The following TGDS variants were observed in gnomAD, a reference collection of about 807,000 sequenced individuals.
TGDS encodes the protein UDP-D-glucose 4,6-dehydratase.
A neutral mutation model predicts 52.3 loss-of-function variants in TGDS; 47 were observed. The ratio of observed to expected loss-of-function variants is 0.90; its 90% confidence interval spans 0.71 to 1.15. The LOEUF (loss-of-function observed/expected upper bound fraction) is 1.15, where lower values mean the gene tolerates loss of function less well. Ranked by LOEUF, TGDS falls within the 50% of genes most tolerant of loss-of-function variation. The pLI is 0.00. For missense variants in TGDS, 375 were observed against 418.4 expected, an observed-to-expected ratio of 0.90 and a Z score of 0.90; for synonymous variants, 115 against 136.9, an observed-to-expected ratio of 0.84 and a Z score of 1.12.
intron 5 of TGDS, among the ~76,000 whole-genome samples, chr13:94,581,436 G>A (rs1295042518): frequency 6.6e-6 from 1 of 152,202 alleles, no homozygotes; most frequent in Admixed American, 6.5e-5. Flanking sequence ...GGAATTGCAG[G>A]AAGGCTGATG....
chr13:94,581,144 A>C lies in TGDS; in HGVS notation c.502T>G (p.Ser168Ala), dbSNP rs769873986. The C allele has an allele frequency of 2.5e-6, 4 of 1,596,234 alleles. No homozygotes were observed. In the Admixed American group the frequency reaches 6.7e-5, roughly 27 times the overall value. Reference protein sequence around the residue: ...SPKQPTNPYASSKAAAECFVQ... With the variant: ...SPKQPTNPYAASKAAAECFVQ... ...AAACATTCAGCAGCTGCTTTAGATG[A>C]TGCATAAGGATTTGTAGGTTGTTTG... is the stretch of plus-strand genomic sequence containing the variant. The change falls in exon 6 of 12, where the codon TCA (serine) becomes GCA (alanine). Residue 168 changes from serine (S) to alanine (A), a missense_variant. Transcript: ENST00000261296.
chr13:94,595,346 A>C (rs1384200368), intron 1 of TGDS, among the ~76,000 whole-genome samples: 1 of 152,228 alleles, frequency 6.6e-6, no homozygotes, highest in Non-Finnish European at 1.5e-5. Context: ...TAAGTGTGGC[A>C]GGAACCACTG....
chr13:94,589,561 G>A (rs981221377), intron 4 of TGDS, among the ~76,000 whole-genome samples: 1 of 152,026 alleles, frequency 6.6e-6, no homozygotes, highest in Non-Finnish European at 1.5e-5. Context: ...TGATCCACCC[G>A]CCTCAGCCTC....
intron 7 of TGDS, among the ~76,000 whole-genome samples, chr13:94,579,076 AG>A (rs1888704245): frequency 6.6e-6 from 1 of 152,228 alleles, no homozygotes. Flanking sequence ...TCATAAGGGC[AG>A]ATATTTGTAT....
intron 11 of TGDS, among the ~76,000 whole-genome samples, chr13:94,575,761 G>C (rs1214714728): frequency 6.6e-6 from 1 of 151,924 alleles, no homozygotes; most frequent in African/African-American, 2.4e-5. Flanking sequence ...TCTGGGTAGA[G>C]CTTTTCTCAT....
At chr13:94,582,688 C>T (rs1199501213) in intron 5 of TGDS, among the ~76,000 whole-genome samples, 1 of 152,148 alleles carries the variant, frequency 6.6e-6, no homozygotes, top group African/African-American at 2.4e-5. Flanking sequence ...GAGTATGCAC[C>T]ATCTAATCAG....
At chr13:94,587,979 A>G (rs930203213) in intron 4 of TGDS, among the ~76,000 whole-genome samples, 5 of 140,172 alleles carry the variant, frequency 3.6e-5, no homozygotes, top group Non-Finnish European at 6.2e-5. Flanking sequence ...CCTGGGTGAC[A>G]GAGCAAGACA....
intron 4 of TGDS, among the ~76,000 whole-genome samples, chr13:94,587,294 A>C (rs1889025639): frequency 6.6e-6 from 1 of 152,244 alleles, no homozygotes; most frequent in Non-Finnish European, 1.5e-5. Flanking sequence ...CATTATATAG[A>C]AAACAAACAC....
intron 4 of TGDS, among the ~76,000 whole-genome samples, chr13:94,585,096 C>T (rs1888931812): frequency 6.6e-6 from 1 of 151,930 alleles, no homozygotes; most frequent in East Asian, 1.9e-4. Context: ...GTTGCCCAGG[C>T]TGGAGTGTAG....
At chr13:94,583,997 C>A (rs888131841) in intron 4 of TGDS, among the ~76,000 whole-genome samples, 1 of 152,160 alleles carries the variant, frequency 6.6e-6, no homozygotes, top group African/African-American at 2.4e-5. Flanking sequence ...CTCAGAGATA[C>A]CACTTCTTAC....
intron 4 of TGDS, among the ~76,000 whole-genome samples, chr13:94,583,879 T>C (rs1028089393): frequency 3.3e-5 from 5 of 152,216 alleles, no homozygotes; most frequent in Non-Finnish European, 4.4e-5. Context: ...AACAATCCTA[T>C]AGTAAAACAG....
Position 94,576,421 on chromosome 13 carries a change from C to T in TGDS, c.885-10G>A, listed in dbSNP as rs762745696. ...CATGTCATTGGTGGGTCTTGGAAAA[C>T]AAAACAGATTTAAAATAATATTGTA... On this transcript the variant is annotated splice_polypyrimidine_tract_variant and intron_variant, in intron 10 of 11. Coordinates refer to ENST00000261296, the MANE Select transcript of TGDS (RefSeq NM_014305.4). 1.3e-6 allele frequency: 2 copies of T among 1,536,384 alleles called. No homozygotes were observed. The highest frequency in any genetic ancestry group is 1.8e-6 in the Non-Finnish European group (2 of 1,130,538).
intron 9 of TGDS, 100 bp from the exon 10 acceptor site, chr13:94,577,529 A>G (rs1158471171): frequency 4.5e-6 from 4 of 887,290 alleles, no homozygotes; most frequent in Non-Finnish European, 6.6e-6. Context: ...ACTGCCTCAT[A>G]GCAGGGAAGA....
intron 10 of TGDS, among the ~76,000 whole-genome samples, chr13:94,576,695 G>A (rs914821648): frequency 4.6e-5 from 7 of 151,982 alleles, no homozygotes; most frequent in Admixed American, 6.6e-5. Context: ...CTCAACAAAT[G>A]TTCAATGACT....
At chr13:94,595,976 T>C (rs1274599899) in intron 1 of TGDS, 75 bp downstream of exon 1, 3 of 1,578,740 alleles carry the variant, frequency 1.9e-6, no homozygotes, top group African/African-American at 2.7e-5. Context: ...CCAAATTACC[T>C]AGGGCAAGCA....
At chr13:94,594,365 T>C (rs2139548940) in intron 1 of TGDS, among the ~76,000 whole-genome samples, 1 of 152,322 alleles carries the variant, frequency 6.6e-6, no homozygotes, top group South Asian at 2.1e-4. Flanking sequence ...CTGCAATTGC[T>C]ATTTCTTGGT....
chr13:94,583,326 G>T, intron 4 of TGDS, 90 bp from the exon 5 acceptor site: 2 of 1,326,002 alleles, frequency 1.5e-6, no homozygotes, highest in Non-Finnish European at 2.0e-6. Context: ...GAGAGTACTA[G>T]TCACTGTTCT....
At chr13:94,577,332 T>G in intron 10 of TGDS, 39 bp downstream of exon 10, 1 of 1,488,142 alleles carries the variant, frequency 6.7e-7, no homozygotes, top group Non-Finnish European at 9.0e-7. Flanking sequence ...GTACCTAAGA[T>G]TTCACAACCT....
chr13:94,594,010 C>A, intron 1 of TGDS, 103 bp from the exon 2 acceptor site: 1 of 689,354 alleles, frequency 1.5e-6, no homozygotes, highest in South Asian at 2.2e-5. Context: ...TCAAAGATAA[C>A]TTTAATTTTT....
Sources: gnomAD v4.1 joint callset for allele counts (sites outside exome capture counted in the v4.1 genomes callset) on GRCh38, gnomAD v4.1.1 for gene constraint, MANE v1.5 for transcripts, NCBI Gene and HGNC (gene_info 2026-07-23, HGNC 2026-07-21) for gene names.